Variants in EHBP1 observed in about 807,000 individuals in gnomAD.
The protein encoded by EHBP1 is EH domain-binding protein 1.
Under a neutral mutation model 144.0 loss-of-function variants are expected in EHBP1, and 55 were observed. The ratio of observed to expected loss-of-function variants is 0.38; its 90% confidence interval spans 0.31 to 0.48. EHBP1 has a LOEUF of 0.48. Ranked by LOEUF, EHBP1 falls within the 20% of genes least tolerant of loss-of-function variation. EHBP1 has a pLI of 0.98. For synonymous variants in EHBP1, 469 were observed against 472.7 expected (o/e 0.99, Z 0.10); for missense variants, 1,200 against 1,364.2 (o/e 0.88, Z 1.90).
intron 19 of EHBP1, among the ~76,000 whole-genome samples, chr2:63,003,817 A>C (rs1037778237): frequency 6.6e-5 from 10 of 152,064 alleles, no homozygotes; most frequent in African/African-American, 9.7e-5. Flanking sequence ...GAGGGAGCTC[A>C]GTGTCCTTCA....
intron 14 of EHBP1, among the ~76,000 whole-genome samples, chr2:62,967,611 G>C (rs1023430517): frequency 6.6e-6 from 1 of 152,052 alleles, no homozygotes; most frequent in Non-Finnish European, 1.5e-5. Flanking sequence ...GTATCTTACG[G>C]GATTTTTCCA....
At chr2:62,686,792 C>T (rs139016502) in intron 1 of EHBP1, among the ~76,000 whole-genome samples, 76 of 152,332 alleles carry the variant, frequency 5.0e-4, no homozygotes, top group East Asian at 2.3e-3. Context: ...TGAATCCTTT[C>T]GGCCAGCTGT....
chr2:62,702,597 A>C (rs2034310790), upstream of EHBP1, among the ~76,000 whole-genome samples: 1 of 152,214 alleles, frequency 6.6e-6, no homozygotes, highest in African/African-American at 2.4e-5. Context: ...TTATTATAAA[A>C]TCCTGAGTCC....
At chr2:62,909,884 A>C (rs951743349) in intron 10 of EHBP1, among the ~76,000 whole-genome samples, 2 of 152,116 alleles carry the variant, frequency 1.3e-5, no homozygotes, top group African/African-American at 4.8e-5. Flanking sequence ...CAGCCTCCTA[A>C]GTAGCTGGGA....
intron 14 of EHBP1, among the ~76,000 whole-genome samples, chr2:62,962,690 TA>T (rs2058057487): frequency 6.6e-6 from 1 of 152,200 alleles, no homozygotes; most frequent in African/African-American, 2.4e-5. Context: ...TAAACAAATC[TA>T]AAAAGAGAAT....
intron 7 of EHBP1, among the ~76,000 whole-genome samples, chr2:62,835,389 AT>A (rs1221404761): frequency 6.6e-6 from 1 of 152,180 alleles, no homozygotes; most frequent in East Asian, 1.9e-4. Context: ...ACCTAGTTTC[AT>A]TTTAGGCTGG....
intron 1 of EHBP1, among the ~76,000 whole-genome samples, chr2:62,682,071 G>A (rs796990338): frequency 1.3e-5 from 2 of 152,182 alleles, no homozygotes; most frequent in South Asian, 2.1e-4. Context: ...AAATGAGTTT[G>A]CCTTCAATGG....
chr2:62,853,526 C>T (rs2048827173), intron 7 of EHBP1, among the ~76,000 whole-genome samples: 1 of 152,164 alleles, frequency 6.6e-6, no homozygotes, highest in Non-Finnish European at 1.5e-5. Flanking sequence ...CCATGAAGAT[C>T]AGAATCAGCC....
intron 19 of EHBP1, among the ~76,000 whole-genome samples, chr2:63,036,483 G>C (rs2061446196): frequency 6.6e-6 from 1 of 151,792 alleles, no homozygotes; most frequent in African/African-American, 2.4e-5. Flanking sequence ...ATCAAACTTA[G>C]GGAATAATAA....
intron 2 of EHBP1, among the ~76,000 whole-genome samples, chr2:62,736,194 GT>G (rs111256856): frequency 1.5e-4 from 10 of 65,560 alleles, no homozygotes; most frequent in South Asian, 5.1e-4. Context: ...ATTCTATTCT[GT>G]TTTTTTTTTC....
intron 2 of EHBP1, among the ~76,000 whole-genome samples, chr2:62,729,484 T>A (rs1341607890): frequency 1.4e-4 from 15 of 104,136 alleles, no homozygotes; most frequent in Non-Finnish European, 2.5e-4. Flanking sequence ...AAAATATATA[T>A]AAATATATAA....
At chr2:62,809,364 C>G (rs1290407342) in intron 5 of EHBP1, among the ~76,000 whole-genome samples, 1 of 149,296 alleles carries the variant, frequency 6.7e-6, no homozygotes, top group Admixed American at 6.7e-5. Context: ...CTCCTCCCCT[C>G]TCCCCCAACT....
chr2:62,795,098 GAAAAA>G (rs904272137), intron 5 of EHBP1, among the ~76,000 whole-genome samples: 1 of 149,542 alleles, frequency 6.7e-6, no homozygotes, highest in Non-Finnish European at 1.5e-5. Context: ...ATTAGCAAAA[GAAAAA>G]AAAAGGAACT....
In EHBP1 at chr2:63,045,364, G is replaced by GA. The variant is rs752743437; in HGVS notation, c.3393-41dup. On this transcript the variant is annotated intron_variant, in intron 22 of 22. Transcript: ENST00000431489. The surrounding 1 kb of genome is among the most constrained non-coding windows in gnomAD (Gnocchi z 5.7). The stretch of plus-strand genomic sequence containing the variant: ...GGAGTGCTGCTCTGCCCTCCACGAA[G>GA]AAAAATAATTTTGTTTCCTGTTTGT... 1 of 1,586,322 alleles carries GA rather than the reference G, an allele frequency of 6.3e-7. No homozygotes were observed. The highest frequency in any genetic ancestry group is 8.7e-7 in the Non-Finnish European group (1 of 1,154,990).
At chr2:62,773,884 AAGAG>A (rs1558647638) in intron 5 of EHBP1, among the ~76,000 whole-genome samples, 6 of 130,708 alleles carry the variant, frequency 4.6e-5, no homozygotes, top group Non-Finnish European at 7.9e-5. Flanking sequence ...AAAAAAAAAA[AAGAG>A]AGAGAGAAGA....
intron 7 of EHBP1, among the ~76,000 whole-genome samples, chr2:62,847,508 A>T (rs2048375099): frequency 6.6e-6 from 1 of 152,222 alleles, no homozygotes; most frequent in Non-Finnish European, 1.5e-5. Flanking sequence ...GATTAAACTT[A>T]GTCAAAATTT....
chr2:62,987,140 A>G (rs1404733274), intron 15 of EHBP1, among the ~76,000 whole-genome samples: 1 of 152,196 alleles, frequency 6.6e-6, no homozygotes. Context: ...TTTCAAATGT[A>G]TAGAATTCAA....
chr2:62,910,072 G>C (rs548856147), intron 10 of EHBP1, among the ~76,000 whole-genome samples: 1 of 152,044 alleles, frequency 6.6e-6, no homozygotes, highest in Non-Finnish European at 1.5e-5. Context: ...GTTTTTAATC[G>C]AAGTTCAATC....
In EHBP1 at chr2:62,957,641, C is replaced by CTTTTTTTTTT. The variant is rs1157397512; in HGVS notation, c.2460+1994_2460+2003dup. On this transcript the variant is annotated intron_variant, in intron 14 of 22. Coordinates refer to ENST00000431489, the MANE Select transcript of EHBP1 (RefSeq NM_001142616.3). ...TAAAATTAATATTTGAAAATAAATG[C>CTTTTTTTTTT]TTTTTTTTTTTTTTTTTTTTTTGAG... is the stretch of plus-strand genomic sequence containing the variant. Among the ~76,000 whole-genome samples the CTTTTTTTTTT allele has an allele frequency of 3.9e-3, 336 of 87,172 alleles. 59 individuals are homozygous for CTTTTTTTTTT. Among genetic ancestry groups the CTTTTTTTTTT allele is most frequent in the African/African-American group, 0.014 (273 of 19,488 alleles). The allele number at this position is 87,172 out of a possible 152,430, so 57.2% of individuals were successfully genotyped here.
Sources: gnomAD v4.1 joint callset for allele counts (sites outside exome capture counted in the v4.1 genomes callset) on GRCh38, gnomAD v4.1.1 for gene constraint, Gnocchi (gnomAD v3.1) non-coding constraint, MANE v1.5 for transcripts, NCBI Gene and HGNC (gene_info 2026-07-23, HGNC 2026-07-21) for gene names.